RYR3: variants seen among roughly 807,000 people sequenced by gnomAD.
RYR3 encodes brain ryanodine receptor-calcium release channel.
A neutral mutation model predicts 584.3 loss-of-function variants in RYR3; 207 were observed. The observed-to-expected ratio is 0.35, with a 90% confidence interval of 0.32 to 0.40. RYR3 has a LOEUF of 0.40. Ranked by LOEUF, RYR3 falls within the 10% of genes least tolerant of loss-of-function variation. RYR3 has a pLI of 1.00. For missense variants in RYR3, 5,616 were observed against 6,089.2 expected (o/e 0.92, Z 2.59); for synonymous variants, 2,416 against 2,248.5 (o/e 1.07, Z -2.11).
chr15:33,749,988 G>T lies in RYR3; in HGVS notation c.8209G>T (p.Glu2737Ter). Reference sequence around the variant, plus strand: ...TCTTGGTGGGACACAGGGAATGGTGGAGGTCGTGGCTGAGAACTATCACAA... The same window carrying T: ...TCTTGGTGGGACACAGGGAATGGTGTAGGTCGTGGCTGAGAACTATCACAA... ...VLSRELQGMV[E>*]VVAENYHNIW... The change falls in exon 56 of 104, where the codon GAG (glutamate) becomes TAG (stop). Residue 2737 changes from glutamate (E) to a stop codon, truncating the protein, a stop_gained. Coordinates refer to ENST00000634891, the MANE Select transcript of RYR3 (RefSeq NM_001036.6). LOFTEE classifies it high-confidence loss of function. 5.6e-6 allele frequency: 9 copies of T among 1,612,226 alleles called. No individual in the cohort carries two copies. Among genetic ancestry groups the T allele is most frequent in the Non-Finnish European group, 7.6e-6 (9 of 1,179,358 alleles).
chr15:33,865,053 C>CACAAAGAACAAAA, intron 103 of RYR3, 78 bp from the exon 104 acceptor site: 1 of 1,093,896 alleles, frequency 9.1e-7, no homozygotes, highest in Non-Finnish European at 1.4e-6. Flanking sequence ...TAAAGGGAGC[C>CACAAAGAACAAAA]ACAAAGAACA....
chr15:33,463,001 T>C, intron 1 of RYR3, among the ~76,000 whole-genome samples: 1 of 151,806 alleles, frequency 6.6e-6, no homozygotes, highest in East Asian at 1.9e-4. Context: ...CAAAACCCCG[T>C]CTCTACAAAA....
rs2071145775 is a variant in RYR3, at chr15:33,750,215, A to G, written c.8328A>G (p.Glu2776=). ...LVPYDTLTAK[E]KFKDREKAQD... is the part of the protein sequence containing the mutation. Reference sequence around the variant, plus strand: ...CATATGACACCTTGACTGCCAAGGAAAAGTTCAAGGACCGGGAGAAGGCAC... The same window carrying G: ...CATATGACACCTTGACTGCCAAGGAGAAGTTCAAGGACCGGGAGAAGGCAC... Residue 2776 remains glutamate, a synonymous_variant, in exon 57 of 104, where the codon GAA becomes GAG. Transcript: ENST00000634891. 6.2e-7 allele frequency: 1 copy of G among 1,610,014 alleles called. No individual in the cohort carries two copies. The highest frequency in any genetic ancestry group is 8.5e-7 in the Non-Finnish European group (1 of 1,178,256).
intron 27 of RYR3, among the ~76,000 whole-genome samples, chr15:33,639,736 T>A (rs903873966): frequency 4.6e-5 from 7 of 152,214 alleles, no homozygotes; most frequent in African/African-American, 1.7e-4. Context: ...TCTGGCTTAC[T>A]TACAAGTTGT....
chr15:33,621,665 G>A (rs1232914269), intron 19 of RYR3, among the ~76,000 whole-genome samples: 2 of 152,032 alleles, frequency 1.3e-5, no homozygotes. Context: ...CCTTAAAATA[G>A]GAAACTGGGA....
At chr15:33,557,217 T>C (rs992016783) in intron 10 of RYR3, among the ~76,000 whole-genome samples, 2 of 152,174 alleles carry the variant, frequency 1.3e-5, no homozygotes, top group African/African-American at 2.4e-5. Flanking sequence ...ATACAAGCCA[T>C]AGGGCCATTG....
At chr15:33,499,180 T>TCTCTCTCCCTCCCC (rs2051722236) in intron 2 of RYR3, among the ~76,000 whole-genome samples, 2 of 140,740 alleles carry the variant, frequency 1.4e-5, no homozygotes, top group Non-Finnish European at 3.1e-5. Flanking sequence ...CTCCCCTCCC[T>TCTCTCTCCCTCCCC]CTCTCTCCCT....
Position 33,696,414 on chromosome 15 carries a change from T to G in RYR3, c.6057T>G (p.Ala2019=). The G allele has an allele frequency of 6.2e-7, 1 of 1,613,942 alleles. No homozygotes were observed. The highest frequency in any genetic ancestry group is 8.5e-7 in the Non-Finnish European group (1 of 1,179,876). ...TAAGCGACACCATCAACCTGCTGGC[T>G]GCCCTGGGCCAAATCCGCTCCCTCC... The part of the protein sequence containing the change: ...TSVSDTINLL[A]ALGQIRSLLS... The change falls in exon 39 of 104, where the codon GCT becomes GCG. Residue 2019 remains alanine, a synonymous_variant. Coordinates refer to ENST00000634891, the MANE Select transcript of RYR3 (RefSeq NM_001036.6).
intron 53 of RYR3, among the ~76,000 whole-genome samples, chr15:33,746,740 G>A (rs1050215044): frequency 5.3e-5 from 8 of 151,688 alleles, no homozygotes; most frequent in African/African-American, 1.7e-4. Flanking sequence ...GTGACAGAGC[G>A]AGACTCCATC....
In RYR3 at chr15:33,311,011, C is replaced by T. The variant is rs1389497049; in HGVS notation, c.-35C>T. 1.2e-5 allele frequency: 19 copies of T among 1,551,726 alleles called. No individual in the cohort carries two copies. The highest frequency in any genetic ancestry group is 6.1e-6 in the Non-Finnish European group (7 of 1,146,126). ...GCGGCTGCCGGGGGAAGCAGAGGCG[C>T]CGGAGGCTGGGGCACCGCCGACGCC... On this transcript the variant is annotated 5_prime_UTR_variant, in exon 1 of 104. Transcript: ENST00000634891. This position sits in a 1 kb window ranked among gnomAD's most constrained non-coding sequence, Gnocchi z 4.4.
intron 1 of RYR3, among the ~76,000 whole-genome samples, chr15:33,417,477 G>C (rs528670110): frequency 5.9e-4 from 90 of 152,066 alleles, no homozygotes; most frequent in African/African-American, 2.1e-3. Context: ...CATCTATTTG[G>C]TTTTCAGCTT....
At chr15:33,700,399 C>A (rs571381647) in intron 41 of RYR3, among the ~76,000 whole-genome samples, 3 of 152,334 alleles carry the variant, frequency 2.0e-5, no homozygotes, top group Middle Eastern at 6.8e-3. Context: ...TGGGTATAAA[C>A]GAAATGAATG....
In RYR3 at chr15:33,566,622, T is replaced by G. The variant is rs950374794; in HGVS notation, c.1147-56T>G. On this transcript the variant is annotated intron_variant, in intron 11 of 103. Coordinates refer to ENST00000634891, the MANE Select transcript of RYR3 (RefSeq NM_001036.6). The stretch of plus-strand genomic sequence containing the variant: ...GGGCAATACTGCGGGAAATGTTGAC[T>G]GCCCATATGTGGAATAATTGTAACC... 1.3e-5 allele frequency: 20 copies of G among 1,589,994 alleles called. No individual in the cohort carries two copies. In the African/African-American group the frequency reaches 2.6e-4, roughly 20 times the overall value.
At position 33,634,734 on chromosome 15, in the gene RYR3, G is replaced by A. The variant is rs1435353671; in HGVS notation, c.3175+1G>A. The A allele has an allele frequency of 6.2e-7, 1 of 1,613,784 alleles. No individual in the cohort carries two copies. The highest frequency in any genetic ancestry group is 8.5e-7 in the Non-Finnish European group (1 of 1,179,694). ...ATTGAGCCATCAGACCAAGAACTAG[G>A]TAATGAGTTGAGAGTGTTTATTCTG... On this transcript the variant is annotated splice_donor_variant, in intron 25 of 103. Coordinates refer to ENST00000634891, the MANE Select transcript of RYR3 (RefSeq NM_001036.6). LOFTEE classifies it high-confidence loss of function.
chr15:33,495,755 C>G (rs989236199), intron 2 of RYR3, among the ~76,000 whole-genome samples: 1 of 152,154 alleles, frequency 6.6e-6, no homozygotes, highest in Non-Finnish European at 1.5e-5. Flanking sequence ...TATAAACTAT[C>G]AACAACTTTC....
intron 64 of RYR3, among the ~76,000 whole-genome samples, chr15:33,776,053 A>G (rs1481172552): frequency 1.3e-5 from 2 of 152,232 alleles, no homozygotes; most frequent in Non-Finnish European, 2.9e-5. Flanking sequence ...CACAGAGGAA[A>G]GTACAATGAA....
At chr15:33,409,581 C>G (rs529349019) in intron 1 of RYR3, among the ~76,000 whole-genome samples, 63 of 152,272 alleles carry the variant, frequency 4.1e-4, no homozygotes, top group African/African-American at 1.4e-3. Flanking sequence ...CCACTGTTCT[C>G]CAGTTTCTGG....
chr15:33,624,052 C>A lies in RYR3; in HGVS notation c.2574+29C>A, dbSNP rs186818388. 3.4e-5 allele frequency: 49 copies of A among 1,451,240 alleles called. No individual in the cohort carries two copies. The East Asian group carries it at 5.4e-4, about 16-fold the overall frequency. 89.9% of individuals were successfully genotyped at this position (1,451,240 alleles called of 1,614,324 possible). ...GGTTCAAATTGCCCGCAGAAGGCAA[C>A]CAATATAGATGAAGCAATAGAGTTA... On this transcript the variant is annotated intron_variant, in intron 20 of 103. Coordinates refer to ENST00000634891, the MANE Select transcript of RYR3 (RefSeq NM_001036.6).
At chr15:33,489,283 G>T (rs1461639811) in intron 2 of RYR3, among the ~76,000 whole-genome samples, 3 of 152,280 alleles carry the variant, frequency 2.0e-5, no homozygotes, top group African/African-American at 7.2e-5. Flanking sequence ...ACAAGGGTTT[G>T]TTGTACAGAG....
Sources: allele counts gnomAD v4.1 joint callset (sites outside exome capture counted in the v4.1 genomes callset), GRCh38; gene constraint gnomAD v4.1.1; non-coding constraint Gnocchi (gnomAD v3.1); transcripts MANE v1.5; gene names NCBI Gene and HGNC (gene_info 2026-07-23, HGNC 2026-07-21).